The following THSD7B variants were observed in gnomAD, a reference collection of about 807,000 sequenced individuals.
The protein encoded by THSD7B is thrombospondin type 1 domain containing 7B.
THSD7B carries 138 observed loss-of-function variants against 213.6 expected under a neutral mutation model. The observed-to-expected ratio is 0.65, with a 90% confidence interval of 0.56 to 0.74. The LOEUF (loss-of-function observed/expected upper bound fraction) is 0.74, where lower values mean the gene tolerates loss of function less well. Ranked by LOEUF, THSD7B falls within the 30% of genes least tolerant of loss-of-function variation. The pLI is 0.00. For synonymous variants in THSD7B, 742 were observed against 687.0 expected (o/e 1.08, Z -1.25); for missense variants, 1,931 against 1,991.5 (o/e 0.97, Z 0.58).
At chr2:137,021,362 T>G (rs1558889961) in intron 2 of THSD7B, among the ~76,000 whole-genome samples, 1 of 152,220 alleles carries the variant, frequency 6.6e-6, no homozygotes, top group Non-Finnish European at 1.5e-5. Flanking sequence ...GTTACATGGA[T>G]ATATTGCATA....
intron 25 of THSD7B, among the ~76,000 whole-genome samples, chr2:137,661,165 A>G (rs1683336638): frequency 6.6e-6 from 1 of 152,148 alleles, no homozygotes; most frequent in Non-Finnish European, 1.5e-5. Context: ...TATTGTCTGT[A>G]TACTTGCTGG....
chr2:137,351,653 A>T (rs1328033251), intron 12 of THSD7B, among the ~76,000 whole-genome samples: 1 of 151,948 alleles, frequency 6.6e-6, no homozygotes, highest in Non-Finnish European at 1.5e-5. Flanking sequence ...TAAAGGAAGG[A>T]TGAAGCCTGG....
At chr2:137,163,944 T>G (rs905689073) in intron 6 of THSD7B, among the ~76,000 whole-genome samples, 2 of 152,190 alleles carry the variant, frequency 1.3e-5, no homozygotes, top group African/African-American at 4.8e-5. Context: ...CTTCCTTAGT[T>G]GATTTTCTCC....
chr2:136,795,787 T>C (rs1682049894), intron 1 of THSD7B, among the ~76,000 whole-genome samples: 1 of 152,044 alleles, frequency 6.6e-6, no homozygotes, highest in Non-Finnish European at 1.5e-5. Flanking sequence ...TATTCTATTT[T>C]TCTCTTCTAA....
At chr2:136,930,989 A>G (rs1684618882) in intron 2 of THSD7B, among the ~76,000 whole-genome samples, 1 of 152,126 alleles carries the variant, frequency 6.6e-6, no homozygotes, top group African/African-American at 2.4e-5. Flanking sequence ...TGGGCCAATA[A>G]TAGTGCTTTC....
At chr2:137,609,866 G>T (rs1380325958) in intron 17 of THSD7B, among the ~76,000 whole-genome samples, 1 of 152,116 alleles carries the variant, frequency 6.6e-6, no homozygotes, top group Non-Finnish European at 1.5e-5. Context: ...GGATAGGAGT[G>T]GCACAAATGG....
At chr2:137,155,715 A>G (rs536498461) in intron 5 of THSD7B, among the ~76,000 whole-genome samples, 1 of 152,318 alleles carries the variant, frequency 6.6e-6, no homozygotes, top group South Asian at 2.1e-4. Context: ...ACCATTTGGG[A>G]AAAGACTGGA....
At chr2:137,488,288 A>T (rs1276449079) in intron 15 of THSD7B, among the ~76,000 whole-genome samples, 1 of 152,200 alleles carries the variant, frequency 6.6e-6, no homozygotes, top group Non-Finnish European at 1.5e-5. Context: ...AGGTATTCAT[A>T]TGTATATGCA....
chr2:137,670,952 T>A (rs866047430), intron 27 of THSD7B, among the ~76,000 whole-genome samples: 22 of 141,850 alleles, frequency 1.6e-4, no homozygotes, highest in African/African-American at 5.6e-4. Flanking sequence ...AAAAAAAAAA[T>A]GCTTGTCTTC....
chr2:137,408,272 T>A (rs2105008397), intron 13 of THSD7B, among the ~76,000 whole-genome samples: 1 of 152,326 alleles, frequency 6.6e-6, no homozygotes, highest in East Asian at 1.9e-4. Flanking sequence ...AGATGAACAT[T>A]ATTTTTCTTT....
chr2:136,903,807 C>T (rs1684101948), intron 2 of THSD7B, among the ~76,000 whole-genome samples: 1 of 152,100 alleles, frequency 6.6e-6, no homozygotes, highest in Non-Finnish European at 1.5e-5. Context: ...CATGAGATTT[C>T]CGTGGACTCC....
chr2:136,938,658 C>A (rs1684771001), intron 2 of THSD7B, among the ~76,000 whole-genome samples: 1 of 152,118 alleles, frequency 6.6e-6, no homozygotes, highest in South Asian at 2.1e-4. Flanking sequence ...ACAGATTAGA[C>A]TTTGTATTGA....
chr2:136,890,652 G>A (rs760330660), intron 2 of THSD7B, among the ~76,000 whole-genome samples: 8 of 147,688 alleles, frequency 5.4e-5, no homozygotes, highest in Middle Eastern at 6.8e-3. Context: ...CGATTCTTCC[G>A]CCTCAGCCTC....
At chr2:137,260,134 G>A (rs1041682115) in intron 10 of THSD7B, among the ~76,000 whole-genome samples, 2 of 151,908 alleles carry the variant, frequency 1.3e-5, no homozygotes, top group Admixed American at 6.6e-5. Context: ...GAATTGCAAG[G>A]CAAACAAAAA....
At chr2:137,552,647 G>A (rs1004421376) in intron 15 of THSD7B, among the ~76,000 whole-genome samples, 4 of 152,142 alleles carry the variant, frequency 2.6e-5, no homozygotes, top group African/African-American at 9.7e-5. Flanking sequence ...TGTGGGTATG[G>A]TTGTGTTAGG....
chr2:137,162,443 G>T (rs1680036221), intron 6 of THSD7B, among the ~76,000 whole-genome samples: 1 of 152,060 alleles, frequency 6.6e-6, no homozygotes, highest in Non-Finnish European at 1.5e-5. Context: ...TGGACATGTG[G>T]CCACCACTGG....
At chr2:137,318,537 C>CA (rs1478726627) in intron 12 of THSD7B, among the ~76,000 whole-genome samples, 1 of 151,872 alleles carries the variant, frequency 6.6e-6, no homozygotes, top group Non-Finnish European at 1.5e-5. Context: ...CGCCCCCATC[C>CA]AAAAAAAGCA....
intron 5 of THSD7B, among the ~76,000 whole-genome samples, chr2:137,157,793 G>A (rs1448208888): frequency 6.6e-6 from 1 of 152,170 alleles, no homozygotes; most frequent in African/African-American, 2.4e-5. Flanking sequence ...GGGAAGTTAT[G>A]CAGATTAAAT....
intron 10 of THSD7B, among the ~76,000 whole-genome samples, chr2:137,259,689 T>C (rs1682395738): frequency 6.6e-6 from 1 of 152,196 alleles, no homozygotes; most frequent in South Asian, 2.1e-4. Flanking sequence ...TTTTGCACGG[T>C]ATTTAATTAC....
Sources: gnomAD v4.1 joint callset for allele counts (sites outside exome capture counted in the v4.1 genomes callset) on GRCh38, gnomAD v4.1.1 for gene constraint, MANE v1.5 for transcripts, NCBI Gene and HGNC (gene_info 2026-07-23, HGNC 2026-07-21) for gene names.